LARGE1: variants seen among roughly 807,000 people sequenced by gnomAD.
LARGE1 encodes the protein LARGE xylosyl- and glucuronyltransferase 1, also known as xylosyl- and glucuronyltransferase LARGE1.
Under a neutral mutation model 87.6 loss-of-function variants are expected in LARGE1, and 43 were observed. That is an observed-to-expected ratio of 0.49 (90% CI 0.38 to 0.63). The LOEUF (loss-of-function observed/expected upper bound fraction) is 0.63, where lower values mean the gene tolerates loss of function less well. Ranked by LOEUF, LARGE1 falls within the 30% of genes least tolerant of loss-of-function variation. The pLI is 0.00. For missense variants in LARGE1, 802 were observed against 1,000.2 expected, an observed-to-expected ratio of 0.80 and a Z score of 2.67; for synonymous variants, 434 against 394.6, an observed-to-expected ratio of 1.10 and a Z score of -1.18.
chr22:33,099,018 C>A, the LARGE1 span, among the ~76,000 whole-genome samples: 9 of 152,270 alleles, frequency 5.9e-5, no homozygotes, highest in East Asian at 1.7e-3. Flanking sequence ...AGCCCAAATT[C>A]TAACCACCCC....
intron 1 of LARGE1, among the ~76,000 whole-genome samples, chr22:33,901,505 T>A (rs557234560): frequency 6.2e-4 from 94 of 152,256 alleles, no homozygotes; most frequent in African/African-American, 2.3e-3. Flanking sequence ...ATGTCTTCCA[T>A]AAAGACAATC....
chr22:33,683,375 G>T (rs1047494233), intron 2 of LARGE1, among the ~76,000 whole-genome samples: 1 of 152,188 alleles, frequency 6.6e-6, no homozygotes, highest in African/African-American at 2.4e-5. Flanking sequence ...ATAGCTGTGG[G>T]TTTTGAGTCT....
intron 1 of LARGE1, among the ~76,000 whole-genome samples, chr22:33,893,891 C>G (rs546853808): frequency 2.0e-5 from 3 of 152,210 alleles, no homozygotes; most frequent in Non-Finnish European, 4.4e-5. Flanking sequence ...CGTCACAAGT[C>G]TCACAGGGCA....
chr22:33,541,619 T>C (rs556617790), intron 6 of LARGE1, among the ~76,000 whole-genome samples: 3 of 152,206 alleles, frequency 2.0e-5, no homozygotes, highest in Admixed American at 6.5e-5. Context: ...AAAGGTCTAG[T>C]CAATTCTTGT....
At chr22:33,085,338 AGTTTTCT>A in the LARGE1 span, among the ~76,000 whole-genome samples, 2 of 152,222 alleles carry the variant, frequency 1.3e-5, no homozygotes, top group Admixed American at 6.5e-5. Context: ...CAAACTTAAA[AGTTTTCT>A]AAAAACAGAA....
chr22:33,862,801 G>C (rs1388773000), intron 1 of LARGE1, among the ~76,000 whole-genome samples: 1 of 152,110 alleles, frequency 6.6e-6, no homozygotes, highest in Admixed American at 6.6e-5. Flanking sequence ...ACACAAAAAG[G>C]GCAGTCCATG....
In LARGE1 at chr22:33,688,172, T is replaced by G. The variant is rs78212767; in HGVS notation, c.107-37504A>C. Reference sequence around the variant, plus strand: ...TACTCGAACGCTGTCTCTATCTCAATGTCCACCTATAAAGTAGAGGTGAGA... The same window carrying G: ...TACTCGAACGCTGTCTCTATCTCAAGGTCCACCTATAAAGTAGAGGTGAGA... On this transcript the variant is annotated intron_variant, in intron 2 of 14. Transcript: ENST00000397394. Among the ~76,000 whole-genome samples the G allele has an allele frequency of 7.9e-3, 1,197 of 152,284 alleles. 14 individuals are homozygous for G. The highest frequency in any genetic ancestry group is 0.027 in the African/African-American group (1,134 of 41,564).
intron 7 of LARGE1, among the ~76,000 whole-genome samples, chr22:33,415,866 G>A (rs372884833): frequency 6.6e-6 from 1 of 152,184 alleles, no homozygotes; most frequent in Non-Finnish European, 1.5e-5. Flanking sequence ...GCGGGAAACT[G>A]TATTGTTTAA....
intron 7 of LARGE1, among the ~76,000 whole-genome samples, chr22:33,388,734 T>G (rs1220375201): frequency 6.6e-6 from 1 of 151,262 alleles, no homozygotes; most frequent in Admixed American, 6.6e-5. Context: ...CCTGGCTGAT[T>G]TTTTGTATTT....
chr22:33,664,386 T>G (rs1013290093), intron 2 of LARGE1, among the ~76,000 whole-genome samples: 1 of 152,234 alleles, frequency 6.6e-6, no homozygotes, highest in African/African-American at 2.4e-5. Flanking sequence ...CACATGTATG[T>G]CATTAGCAAT....
chr22:33,854,038 A>G (rs1305659611), intron 1 of LARGE1, among the ~76,000 whole-genome samples: 4 of 152,136 alleles, frequency 2.6e-5, no homozygotes, highest in Admixed American at 6.5e-5. Flanking sequence ...GTCCTTGTAG[A>G]GGCTGAACAA....
At chr22:33,461,814 G>C (rs2068395198) in intron 6 of LARGE1, among the ~76,000 whole-genome samples, 1 of 152,034 alleles carries the variant, frequency 6.6e-6, no homozygotes, top group South Asian at 2.1e-4. Context: ...GGGACACTCA[G>C]GATGCCCTAT....
At chr22:33,575,970 T>C (rs1569284101) in intron 5 of LARGE1, among the ~76,000 whole-genome samples, 1 of 152,198 alleles carries the variant, frequency 6.6e-6, no homozygotes, top group Admixed American at 6.5e-5. Flanking sequence ...AAATGGAGCA[T>C]TTCAAAGCAC....
At chr22:33,604,316 G>T in intron 5 of LARGE1, 119 bp downstream of exon 5, 3 of 1,320,382 alleles carry the variant, frequency 2.3e-6, no homozygotes, top group Non-Finnish European at 3.3e-6. Flanking sequence ...ACTTCCTTAC[G>T]CCCTACACAT....
chr22:33,502,940 T>C (rs368540114), intron 6 of LARGE1, among the ~76,000 whole-genome samples: 1 of 152,170 alleles, frequency 6.6e-6, no homozygotes, highest in Non-Finnish European at 1.5e-5. Context: ...TCATATCTCA[T>C]TGAATCCTCA....
intron 6 of LARGE1, among the ~76,000 whole-genome samples, chr22:33,509,116 A>C (rs1016114759): frequency 5.3e-5 from 8 of 152,136 alleles, no homozygotes; most frequent in African/African-American, 1.9e-4. Context: ...CGCCTAACCC[A>C]GTGGGTTTCA....
At position 33,710,527 on chromosome 22, in the gene LARGE1, G is replaced by C. The variant is rs141839258; in HGVS notation, c.106+50844C>G. On this transcript the variant is annotated intron_variant, in intron 2 of 14. Coordinates refer to ENST00000397394, the MANE Select transcript of LARGE1 (RefSeq NM_133642.5). The stretch of plus-strand genomic sequence containing the variant: ...CGTCCCTGGCTGGCTGAAGAAAGGA[G>C]AATGGAAATGACAGCAGCAGGTGCA... Among the ~76,000 whole-genome samples, 12 of 152,336 alleles carry C rather than the reference G, an allele frequency of 7.9e-5. No homozygotes were observed. The East Asian group carries it at 2.3e-3, about 29-fold the overall frequency.
the LARGE1 span, among the ~76,000 whole-genome samples, chr22:33,144,565 G>T: frequency 1.3e-5 from 2 of 152,032 alleles, no homozygotes; most frequent in Non-Finnish European, 2.9e-5. Context: ...TGCTGCAAAG[G>T]GTTTAATATA....
chr22:33,160,555 G>A (rs1294396798), downstream of LARGE1, among the ~76,000 whole-genome samples: 2 of 152,190 alleles, frequency 1.3e-5, no homozygotes, highest in Non-Finnish European at 2.9e-5. Flanking sequence ...CATGTCTGGA[G>A]ACTCTATGTA....
Sources: gnomAD v4.1 joint callset for allele counts (sites outside exome capture counted in the v4.1 genomes callset) on GRCh38, gnomAD v4.1.1 for gene constraint, MANE v1.5 for transcripts, NCBI Gene and HGNC (gene_info 2026-07-23, HGNC 2026-07-21) for gene names.